The following SLC9A6 variants were observed in gnomAD, a reference collection of about 807,000 sequenced individuals.
SLC9A6 encodes the protein solute carrier family 9 member A6.
A neutral mutation model predicts 45.3 loss-of-function variants in SLC9A6; 6 were observed. The observed-to-expected ratio is 0.13, with a 90% confidence interval of 0.07 to 0.26. The LOEUF is 0.26. Ranked by LOEUF, SLC9A6 falls within the 10% of genes least tolerant of loss-of-function variation. The pLI is 1.00. For missense variants in SLC9A6, 278 were observed against 503.7 expected (o/e 0.55, Z 4.29); for synonymous variants, 191 against 187.7 (o/e 1.02, Z -0.14).
chrX:135,985,154 C>T (rs138591582), upstream of SLC9A6: 2,907 of 175,759 alleles, frequency 0.017, 33 homozygotes, highest in Non-Finnish European at 0.024. Flanking sequence ...AAGATCAATT[C>T]CTATGAAAGA....
At chrX:136,015,064 G>C (rs1363762173) in intron 10 of SLC9A6, among the ~76,000 whole-genome samples, 6 of 112,704 alleles carry the variant, frequency 5.3e-5, no homozygotes, top group African/African-American at 1.9e-4. Flanking sequence ...GTAAAGTGTA[G>C]AGCAGAGGGT....
chrX:135,978,281 C>G (rs2089271619), intron 1 of SLC9A6, among the ~76,000 whole-genome samples: 1 of 112,002 alleles, frequency 8.9e-6, no homozygotes, highest in African/African-American at 3.2e-5. Flanking sequence ...ACTAATATCT[C>G]TCTTAGGGTT....
At chrX:135,998,023 A>G (rs1446894711) in intron 3 of SLC9A6, 85 bp from the exon 4 acceptor site, 2 of 554,165 alleles carry the variant, frequency 3.6e-6, no homozygotes, top group South Asian at 4.8e-5. Context: ...AGTTTAACAT[A>G]TAGTATTTTT....
At chrX:136,032,488 A>G (rs781993005) in intron 15 of SLC9A6, among the ~76,000 whole-genome samples, 192 of 112,624 alleles carry the variant, frequency 1.7e-3, no homozygotes, top group African/African-American at 6.1e-3. Flanking sequence ...ATTCGGGCCC[A>G]GAGAGAGAAA....
intron 2 of SLC9A6, among the ~76,000 whole-genome samples, chrX:135,992,739 T>C (rs1224260300): frequency 8.9e-6 from 1 of 112,223 alleles, no homozygotes; most frequent in African/African-American, 3.2e-5. Context: ...CTCTTTTCTG[T>C]TTTTATAATA....
intron 11 of SLC9A6, among the ~76,000 whole-genome samples, chrX:136,018,234 T>C (rs1355744507): frequency 7.2e-5 from 8 of 111,663 alleles, no homozygotes; most frequent in Admixed American, 5.7e-4. Flanking sequence ...TTGAGGAAGA[T>C]GGAGGTTCGT....
At chrX:135,988,792 G>A (rs1045017544) in intron 2 of SLC9A6, among the ~76,000 whole-genome samples, 4 of 107,874 alleles carry the variant, frequency 3.7e-5, no homozygotes, top group East Asian at 2.9e-4. Flanking sequence ...TTGTGGTGAC[G>A]CGAGTGTGGG....
intron 11 of SLC9A6, among the ~76,000 whole-genome samples, chrX:136,020,966 A>G (rs1413267071): frequency 9.1e-6 from 1 of 109,589 alleles, no homozygotes; most frequent in African/African-American, 3.3e-5. Flanking sequence ...TTCTCCAAGA[A>G]GTCCTGGTTC....
intron 12 of SLC9A6, among the ~76,000 whole-genome samples, chrX:136,023,558 T>C (rs1556620194): frequency 9.1e-6 from 1 of 110,352 alleles, no homozygotes; most frequent in African/African-American, 3.3e-5. Context: ...GGTTACCTGC[T>C]GTGTGATTCC....
chrX:135,974,491 GAGGGGCGGGAGGAGGTGGGGCC>G, upstream of SLC9A6: 1 of 236,190 alleles, frequency 4.2e-6, no homozygotes, highest in Non-Finnish European at 8.4e-6. Context: ...AGGTGGGGCC[GAGGGGCGGGAGGAGGTGGGGCC>G]GAGGGGCGGG....
intron 16 of SLC9A6, among the ~76,000 whole-genome samples, chrX:136,037,500 A>G (rs1230553866): frequency 8.9e-6 from 1 of 112,536 alleles, no homozygotes; most frequent in Non-Finnish European, 1.9e-5. Context: ...CCTATTGCAA[A>G]TGGTATTTAC....
chrX:135,985,569 A>G lies in SLC9A6; in HGVS notation c.-56-34A>G, dbSNP rs796053277. 7 of 1,199,059 alleles carry G rather than the reference A, an allele frequency of 5.8e-6. No homozygotes were observed. The highest frequency in any genetic ancestry group is 7.9e-6 in the Non-Finnish European group (7 of 888,078). On this transcript the variant is annotated intron_variant, in intron 1 of 17. Coordinates refer to ENST00000630721, the MANE Select transcript of SLC9A6 (RefSeq NM_001379110.1). ...CGTCGGCAGCAGTCCCCGAGCCCGC[A>G]GGCTCATGCGGCCCCTTTGGTTGCT...
intron 14 of SLC9A6, 98 bp from the exon 15 acceptor site, chrX:136,030,034 T>A (rs2279595): frequency 1.2e-6 from 1 of 818,530 alleles, no homozygotes; most frequent in South Asian, 2.1e-5. Context: ...ATTCCATAGC[T>A]TCTGTGTTGA....
At chrX:136,001,349 A>C (rs1192662346) in intron 6 of SLC9A6, among the ~76,000 whole-genome samples, 1 of 108,833 alleles carries the variant, frequency 9.2e-6, no homozygotes, top group Non-Finnish European at 1.9e-5. Context: ...AAAAAAAAAA[A>C]AAAAAAAAAC....
upstream of SLC9A6, chrX:135,974,007 G>A (rs1251583583): frequency 2.5e-6 from 2 of 785,081 alleles, no homozygotes; most frequent in South Asian, 2.2e-5. Context: ...CCGGCAAATG[G>A]GGGCAGGGCC....
chrX:136,005,220 A>C (rs782206747), intron 7 of SLC9A6, among the ~76,000 whole-genome samples: 8 of 112,704 alleles, frequency 7.1e-5, no homozygotes, highest in Non-Finnish European at 1.5e-4. Context: ...TTAGCGTTAG[A>C]GGAAAAGATA....
intron 1 of SLC9A6, among the ~76,000 whole-genome samples, chrX:135,977,030 A>G (rs1556613412): frequency 1.8e-5 from 2 of 112,153 alleles, no homozygotes; most frequent in Non-Finnish European, 3.8e-5. Flanking sequence ...ACAGTTACCA[A>G]GGACTGTATC....
intron 7 of SLC9A6, chrX:136,010,237 A>C: frequency 4.0e-6 from 1 of 247,812 alleles, no homozygotes; most frequent in Non-Finnish European, 7.5e-6. Context: ...CCCCCCCCGA[A>C]ATTAACATTT....
At chrX:135,974,426 GGGAGGAGGTGGGACCGAGGGGGCGC>G (rs1427101436), upstream of SLC9A6, among the ~76,000 whole-genome samples, 2 of 56,370 alleles carry the variant, frequency 3.5e-5, no homozygotes, top group African/African-American at 7.1e-5. Flanking sequence ...CCGAGGGGCG[GGGAGGAGGTGGGACCGAGGGGGCGC>G]GGAGGAGTGG....
Sources: allele counts gnomAD v4.1 joint callset (sites outside exome capture counted in the v4.1 genomes callset), GRCh38; gene constraint gnomAD v4.1.1; transcripts MANE v1.5; gene names NCBI Gene and HGNC (gene_info 2026-07-23, HGNC 2026-07-21).